The following ST6GALNAC5 variants were observed in gnomAD, a reference collection of about 807,000 sequenced individuals.
ST6GALNAC5 encodes alpha-N-acetylgalactosaminide alpha-2,6-sialyltransferase 5.
In ST6GALNAC5, 27 loss-of-function variants were observed where a neutral mutation model predicts 33.6. The ratio of observed to expected loss-of-function variants is 0.80; its 90% CI spans 0.59 to 1.11. The LOEUF (loss-of-function observed/expected upper bound fraction) is 1.11. ST6GALNAC5 is among the 50% of genes least tolerant of loss of function. The pLI is 0.00. For synonymous variants in ST6GALNAC5, 194 were observed against 171.2 expected, an observed-to-expected ratio of 1.13 and a Z score of -1.04; for missense variants, 428 against 454.0, an observed-to-expected ratio of 0.94 and a Z score of 0.52.
At chr1:76,930,099 T>C (rs1171436458) in intron 2 of ST6GALNAC5, among the ~76,000 whole-genome samples, 2 of 152,182 alleles carry the variant, frequency 1.3e-5, no homozygotes, top group African/African-American at 4.8e-5. Context: ...AGGCACAGCA[T>C]AGACTGGAGG....
At chr1:76,903,148 G>A (rs1646834178) in intron 2 of ST6GALNAC5, among the ~76,000 whole-genome samples, 1 of 152,050 alleles carries the variant, frequency 6.6e-6, no homozygotes, top group African/African-American at 2.4e-5. Flanking sequence ...TATCCCCTTT[G>A]GAACTTGTAT....
chr1:76,904,798 C>T (rs1444849380), intron 2 of ST6GALNAC5, among the ~76,000 whole-genome samples: 1 of 151,618 alleles, frequency 6.6e-6, no homozygotes, highest in Non-Finnish European at 1.5e-5. Context: ...GCATGCCAGC[C>T]TGGGCAACAG....
intron 2 of ST6GALNAC5, among the ~76,000 whole-genome samples, chr1:76,904,866 T>C (rs1359247100): frequency 6.6e-6 from 1 of 151,916 alleles, no homozygotes; most frequent in African/African-American, 2.4e-5. Context: ...ACAAACAATA[T>C]GATTCCATTT....
At chr1:76,986,169 C>G (rs548088584) in intron 2 of ST6GALNAC5, among the ~76,000 whole-genome samples, 1 of 152,236 alleles carries the variant, frequency 6.6e-6, no homozygotes, top group East Asian at 1.9e-4. Context: ...CAAATGGGAT[C>G]TAATTAAACT....
At chr1:76,888,104 G>A (rs1653936160) in intron 2 of ST6GALNAC5, among the ~76,000 whole-genome samples, 1 of 152,166 alleles carries the variant, frequency 6.6e-6, no homozygotes, top group African/African-American at 2.4e-5. Flanking sequence ...AACCGTGGAT[G>A]TTTAGGATTA....
At chr1:77,062,400 G>A (rs1336746050) in intron 4 of ST6GALNAC5, among the ~76,000 whole-genome samples, 2 of 152,136 alleles carry the variant, frequency 1.3e-5, no homozygotes, top group Non-Finnish European at 2.9e-5. Context: ...GGGTATTCCA[G>A]GCAAGTGACC....
At chr1:76,929,661 T>C (rs1647119445) in intron 2 of ST6GALNAC5, among the ~76,000 whole-genome samples, 1 of 152,188 alleles carries the variant, frequency 6.6e-6, no homozygotes, top group East Asian at 1.9e-4. Flanking sequence ...CTGTTAACAC[T>C]GCAGTGTGCT....
chr1:77,013,070 G>A (rs139399582), intron 2 of ST6GALNAC5, among the ~76,000 whole-genome samples: 27 of 152,290 alleles, frequency 1.8e-4, no homozygotes, highest in African/African-American at 5.8e-4. Context: ...CTGGCAGAAG[G>A]AGCAGTGTGT....
chr1:76,997,147 A>C (rs188068114), intron 2 of ST6GALNAC5, among the ~76,000 whole-genome samples: 2 of 152,332 alleles, frequency 1.3e-5, no homozygotes, highest in African/African-American at 4.8e-5. Flanking sequence ...CTTTTTTCAT[A>C]GTAGATGATT....
At chr1:76,870,924 T>C in intron 2 of ST6GALNAC5, among the ~76,000 whole-genome samples, 1 of 152,164 alleles carries the variant, frequency 6.6e-6, no homozygotes, top group Admixed American at 6.5e-5. Flanking sequence ...ATTATCCCAA[T>C]TGTCCCACTG....
chr1:77,054,294 C>T (rs778484013), intron 4 of ST6GALNAC5, among the ~76,000 whole-genome samples: 1 of 152,204 alleles, frequency 6.6e-6, no homozygotes, highest in Admixed American at 6.5e-5. Flanking sequence ...TCAAACTGGA[C>T]TCAGAGAAGT....
intron 2 of ST6GALNAC5, among the ~76,000 whole-genome samples, chr1:76,937,251 T>C (rs1647218351): frequency 6.6e-6 from 1 of 152,028 alleles, no homozygotes; most frequent in African/African-American, 2.4e-5. Context: ...TCTTTTGGTT[T>C]TTGATGTTTG....
chr1:76,992,536 C>A (rs1033454750), intron 2 of ST6GALNAC5, among the ~76,000 whole-genome samples: 1 of 152,030 alleles, frequency 6.6e-6, no homozygotes, highest in African/African-American at 2.4e-5. Flanking sequence ...GCTCTGTCAC[C>A]CAGTTTGGAG....
intron 2 of ST6GALNAC5, among the ~76,000 whole-genome samples, chr1:76,919,050 G>A (rs1647004834): frequency 6.6e-6 from 1 of 152,116 alleles, no homozygotes; most frequent in Non-Finnish European, 1.5e-5. Flanking sequence ...ATCTTTCTCT[G>A]TAATTGTGAG....
chr1:77,001,039 G>T (rs1401964351), intron 2 of ST6GALNAC5, among the ~76,000 whole-genome samples: 2 of 151,992 alleles, frequency 1.3e-5, no homozygotes, highest in African/African-American at 4.8e-5. Flanking sequence ...AAAGTCATTG[G>T]TAGCTTGATG....
intron 2 of ST6GALNAC5, among the ~76,000 whole-genome samples, chr1:76,883,364 C>T (rs1168088872): frequency 6.6e-6 from 1 of 152,176 alleles, no homozygotes; most frequent in Non-Finnish European, 1.5e-5. Flanking sequence ...AAAACTGTAT[C>T]TCAGACATAT....
Position 76,867,494 on chromosome 1 carries a change from C to T in ST6GALNAC5, c.-182C>T, listed in dbSNP as rs1314396974. ...GGGTCCGGTTCAGTTTTAATTCTGT[C>T]TCTAATCTCTGCAACAGCCGCGCTT... On this transcript the variant is annotated 5_prime_UTR_variant, in exon 1 of 5. Transcript: ENST00000477717. The T allele has an allele frequency of 1.1e-6, 1 of 871,684 alleles. No homozygotes were observed. The highest frequency in any genetic ancestry group is 1.9e-6 in the Non-Finnish European group (1 of 526,978). The allele number at this position is 871,684 out of a possible 1,614,324, so 54.0% of individuals were successfully genotyped here.
At chr1:76,993,303 C>T (rs975400758) in intron 2 of ST6GALNAC5, among the ~76,000 whole-genome samples, 7 of 152,180 alleles carry the variant, frequency 4.6e-5, no homozygotes, top group African/African-American at 1.4e-4. Context: ...CAGGCCAGGG[C>T]TGTATTGTAG....
At chr1:76,962,309 G>A (rs1648272132) in intron 2 of ST6GALNAC5, among the ~76,000 whole-genome samples, 1 of 152,200 alleles carries the variant, frequency 6.6e-6, no homozygotes, top group African/African-American at 2.4e-5. Flanking sequence ...AGACAGTGAG[G>A]AGAAAAGCCT....
Sources: gnomAD v4.1 joint callset for allele counts (sites outside exome capture counted in the v4.1 genomes callset) on GRCh38, gnomAD v4.1.1 for gene constraint, MANE v1.5 for transcripts, NCBI Gene and HGNC (gene_info 2026-07-23, HGNC 2026-07-21) for gene names.